UGT1A10: variants seen among roughly 807,000 people sequenced by gnomAD.
The protein encoded by UGT1A10 is UDP-glucuronosyltransferase 1A10.
In UGT1A10, 49 loss-of-function variants were observed where a neutral mutation model predicts 45.8. The ratio of observed to expected loss-of-function variants is 1.07; its 90% CI spans 0.85 to 1.36. The LOEUF (loss-of-function observed/expected upper bound fraction) is 1.36, where lower values mean the gene tolerates loss of function less well. UGT1A10 is among the 40% of genes most tolerant of loss of function. The pLI, the probability that UGT1A10 is intolerant of heterozygous loss-of-function variation, is 0.00. For synonymous variants in UGT1A10, 284 were observed against 249.7 expected, an observed-to-expected ratio of 1.14 and a Z score of -1.29; for missense variants, 745 against 668.6, an observed-to-expected ratio of 1.11 and a Z score of -1.26.
chr2:233,752,826 C>T (rs372866711), intron 1 of UGT1A10, among the ~76,000 whole-genome samples: 1 of 152,184 alleles, frequency 6.6e-6, no homozygotes, highest in East Asian at 1.9e-4. Context: ...TTTATGACAT[C>T]AGTAATCTAG....
chr2:233,666,974 T>C (rs1419137401), intron 1 of UGT1A10, among the ~76,000 whole-genome samples: 1 of 152,210 alleles, frequency 6.6e-6, no homozygotes, highest in African/African-American at 2.4e-5. Context: ...ACAATGGACA[T>C]GAACTCATCA....
intron 1 of UGT1A10, among the ~76,000 whole-genome samples, chr2:233,692,512 G>A (rs2075099224): frequency 6.6e-6 from 1 of 152,154 alleles, no homozygotes; most frequent in Non-Finnish European, 1.5e-5. Flanking sequence ...TTAACCTGTG[G>A]GGTCCGTGCT....
intron 1 of UGT1A10, among the ~76,000 whole-genome samples, chr2:233,697,907 C>G (rs570529725): frequency 6.6e-6 from 1 of 152,212 alleles, no homozygotes; most frequent in South Asian, 2.1e-4. Flanking sequence ...TCTATTGACT[C>G]CTTCTCCTAG....
At chr2:233,664,403 C>T (rs903864860) in intron 1 of UGT1A10, among the ~76,000 whole-genome samples, 1 of 152,094 alleles carries the variant, frequency 6.6e-6, no homozygotes, top group African/African-American at 2.4e-5. Context: ...CTGTTGGTAC[C>T]AATTTTCTAC....
intron 1 of UGT1A10, chr2:233,755,127 T>C: frequency 7.6e-7 from 1 of 1,323,488 alleles, no homozygotes; most frequent in Non-Finnish European, 1.0e-6. Context: ...CTCAGCCACC[T>C]GCTTGAATCT....
intron 1 of UGT1A10, chr2:233,722,085 C>T: frequency 4.6e-6 from 1 of 216,028 alleles, no homozygotes; most frequent in Non-Finnish European, 9.4e-6. Context: ...TTTCACAGAT[C>T]ACCTTAGGCC....
chr2:233,736,062 G>T (rs1463600658), intron 1 of UGT1A10, among the ~76,000 whole-genome samples: 1 of 152,174 alleles, frequency 6.6e-6, no homozygotes, highest in East Asian at 1.9e-4. Flanking sequence ...GGCCTGCCTT[G>T]CTAGGTTTGG....
At chr2:233,724,697 C>T (rs1320609945) in intron 1 of UGT1A10, among the ~76,000 whole-genome samples, 4 of 144,998 alleles carry the variant, frequency 2.8e-5, no homozygotes, top group East Asian at 2.2e-4. Context: ...CGGGTGAAGA[C>T]GCTCCTCGCT....
intron 1 of UGT1A10, among the ~76,000 whole-genome samples, chr2:233,673,494 G>C (rs1342736745): frequency 2.0e-5 from 3 of 151,848 alleles, no homozygotes; most frequent in Admixed American, 6.6e-5. Context: ...TTTTATCTTA[G>C]TTGACTAGAG....
intron 1 of UGT1A10, chr2:233,721,708 G>T (rs994914932): frequency 2.4e-5 from 9 of 371,466 alleles, no homozygotes; most frequent in African/African-American, 4.2e-5. Flanking sequence ...GCTCATCTTG[G>T]ATGCTTTGTT....
Position 233,760,769 on chromosome 2 carries a change from C to T in UGT1A10, c.856-6265C>T, listed in dbSNP as rs756981269. 1.9e-6 allele frequency: 3 copies of T among 1,614,028 alleles called. No individual in the cohort carries two copies. The South Asian group carries it at 3.3e-5, about 18-fold the overall frequency. On this transcript the variant is annotated intron_variant, in intron 1 of 4. Coordinates refer to ENST00000344644, the MANE Select transcript of UGT1A10 (RefSeq NM_019075.4). ...TTCCTTCCTTGCAGCCCCATCGTGG[C>T]CCAGTACCTGTCTCTGCCCACTGTA...
At chr2:233,729,152 T>C (rs749302324) in intron 1 of UGT1A10, 3 of 1,613,556 alleles carry the variant, frequency 1.9e-6, no homozygotes, top group Non-Finnish European at 2.5e-6. Flanking sequence ...CAGGTTCCCC[T>C]GCCGTGGCTG....
At chr2:233,642,530 A>G (rs1222048938) in intron 1 of UGT1A10, among the ~76,000 whole-genome samples, 5 of 152,126 alleles carry the variant, frequency 3.3e-5, no homozygotes, top group African/African-American at 1.2e-4. Flanking sequence ...ACCTTATTTA[A>G]TTCATTTGAT....
chr2:233,674,107 A>G (rs1466820211), intron 1 of UGT1A10, among the ~76,000 whole-genome samples: 1 of 152,184 alleles, frequency 6.6e-6, no homozygotes, highest in Non-Finnish European at 1.5e-5. Flanking sequence ...GGGATGGAGT[A>G]TACAATTTAT....
At chr2:233,729,376 T>C in intron 1 of UGT1A10, 1 of 1,614,080 alleles carries the variant, frequency 6.2e-7, no homozygotes, top group Non-Finnish European at 8.5e-7. Flanking sequence ...TGCCATTTCG[T>C]GGACCCAGGA....
chr2:233,670,752 A>C (rs189878242), intron 1 of UGT1A10, among the ~76,000 whole-genome samples: 14 of 152,202 alleles, frequency 9.2e-5, no homozygotes, highest in Admixed American at 8.5e-4. Context: ...GACCACTTTG[A>C]CACCTTCAGT....
At chr2:233,757,312 G>C (rs1288195448) in intron 1 of UGT1A10, among the ~76,000 whole-genome samples, 2 of 141,204 alleles carry the variant, frequency 1.4e-5, no homozygotes, top group African/African-American at 2.7e-5. Flanking sequence ...GGACAGGGGG[G>C]CTGGGGCCCT....
intron 1 of UGT1A10, among the ~76,000 whole-genome samples, chr2:233,728,087 A>G (rs1166849113): frequency 6.6e-6 from 1 of 152,214 alleles, no homozygotes; most frequent in Non-Finnish European, 1.5e-5. Context: ...TCTCTCCTTT[A>G]GAAAGGCACA....
At chr2:233,738,804 C>A (rs532221279) in intron 1 of UGT1A10, 1 of 152,292 alleles carries the variant, frequency 6.6e-6, no homozygotes, top group African/African-American at 2.4e-5. Flanking sequence ...GAAATACTAG[C>A]TAAAGAAATT....
Sources: gnomAD v4.1 joint callset for allele counts (sites outside exome capture counted in the v4.1 genomes callset) on GRCh38, gnomAD v4.1.1 for gene constraint, MANE v1.5 for transcripts, NCBI Gene and HGNC (gene_info 2026-07-23, HGNC 2026-07-21) for gene names.